Variants in GPD1 observed in about 807,000 individuals in gnomAD.
GPD1 encodes the protein glycerol-3-phosphate dehydrogenase 1.
A neutral mutation model predicts 34.4 loss-of-function variants in GPD1; 19 were observed. That is an observed-to-expected ratio of 0.55 (90% CI 0.39 to 0.81). The LOEUF (loss-of-function observed/expected upper bound fraction) is 0.81. GPD1 is among the 30% of genes least tolerant of loss of function. GPD1 has a pLI of 0.00. For missense variants in GPD1, 429 were observed against 447.0 expected, an observed-to-expected ratio of 0.96 and a Z score of 0.36; for synonymous variants, 172 against 174.1, an observed-to-expected ratio of 0.99 and a Z score of 0.09.
chr12:50,105,412 C>A, intron 2 of GPD1, 136 bp from the exon 3 acceptor site: 2 of 788,110 alleles, frequency 2.5e-6, no homozygotes, highest in Non-Finnish European at 4.0e-6. Flanking sequence ...AAGTTCAGTC[C>A]TTCTAGATTC....
Position 50,108,129 on chromosome 12 carries a change from A to C in GPD1, c.952A>C (p.Lys318Gln). 6.4e-7 allele frequency: 1 copy of C among 1,567,954 alleles called. No individual in the cohort carries two copies. Among genetic ancestry groups the C allele is most frequent in the South Asian group, 1.1e-5 (1 of 89,368 alleles). ...SILQHKGLVD[K>Q]FPLFMAVYKV... The stretch of plus-strand genomic sequence containing the variant: ...CCTCCAGCACAAGGGCCTGGTAGAC[A>C]AGTAAGTATTGGCCACAGCCCCACT... Residue 318 changes from lysine (K) to glutamine (Q), a missense_variant and splice_region_variant, in exon 7 of 8, where the codon AAG becomes CAG. Transcript: ENST00000301149.
chr12:50,107,882 G>A (rs1056194979), intron 6 of GPD1, 82 bp downstream of exon 6: 17 of 1,122,254 alleles, frequency 1.5e-5, no homozygotes, highest in Non-Finnish European at 2.0e-5. Context: ...CATCTCTGGA[G>A]CACAAACATT....
At chr12:50,104,536 C>T (rs372693667) in intron 1 of GPD1, 38 bp from the exon 2 acceptor site, 1 of 1,553,502 alleles carries the variant, frequency 6.4e-7, no homozygotes, top group Non-Finnish European at 8.9e-7. Flanking sequence ...GCCACTGTTC[C>T]CTCCTCCTGT....
In GPD1 at chr12:50,106,441, G is replaced by A; in HGVS notation, c.499+15G>A. On this transcript the variant is annotated intron_variant, in intron 4 of 7. Transcript: ENST00000301149. ...GACAACCATTGGTGAGAGCCCCCTGGCACCTGCATACACAGTGCATCTAGT... is the reference window on the plus strand; with the variant it reads ...GACAACCATTGGTGAGAGCCCCCTGACACCTGCATACACAGTGCATCTAGT... The A allele has an allele frequency of 1.2e-6, 2 of 1,611,872 alleles. No individual in the cohort carries two copies. The highest frequency in any genetic ancestry group is 1.7e-6 in the Non-Finnish European group (2 of 1,178,250).
At chr12:50,106,545 C>G in intron 4 of GPD1, 119 bp downstream of exon 4, 1 of 1,029,434 alleles carries the variant, frequency 9.7e-7, no homozygotes, top group African/African-American at 1.6e-5. Context: ...ATACAAGCAT[C>G]AGAGGTGAAG....
intron 5 of GPD1, 141 bp from the exon 6 acceptor site, chr12:50,107,426 C>T (rs751308176): frequency 2.6e-5 from 20 of 776,970 alleles, no homozygotes; most frequent in South Asian, 9.6e-5. Flanking sequence ...AACCAAGAGG[C>T]GGAAGTAGGC....
At position 50,110,091 on chromosome 12, in the gene GPD1, C is replaced by G. The variant is rs536373587; in HGVS notation, c.*572C>G. The G allele has an allele frequency of 1.3e-5, 2 of 152,668 alleles. No homozygotes were observed. Among genetic ancestry groups the G allele is most frequent in the East Asian group, 1.9e-4 (1 of 5,198 alleles). 9.5% of individuals were successfully genotyped at this position (152,668 alleles called of 1,614,324 possible). A position where few individuals can be genotyped will look rare whatever the true frequency, so the allele number is the denominator to read the frequency against. ...CAAAATACAAAGATCTCAAACAAACCCCTTTTAGCTTCTCCTAGCAACATC... is the reference window on the plus strand; with the variant it reads ...CAAAATACAAAGATCTCAAACAAACGCCTTTTAGCTTCTCCTAGCAACATC... On this transcript the variant is annotated 3_prime_UTR_variant, in exon 8 of 8. Transcript: ENST00000301149.
chr12:50,104,407 A>ACTG, intron 1 of GPD1, 167 bp from the exon 2 acceptor site: 1 of 719,854 alleles, frequency 1.4e-6, no homozygotes, highest in Non-Finnish European at 2.6e-6. Context: ...TCTCCTTTCT[A>ACTG]CTGCCAGGTC....
At chr12:50,105,753 G>A (rs781731399) in intron 3 of GPD1, 65 bp downstream of exon 3, 10 of 1,525,380 alleles carry the variant, frequency 6.6e-6, no homozygotes, top group Non-Finnish European at 8.2e-6. Context: ...TTCAGGGTGG[G>A]TGAAGCAAGG....
chr12:50,105,637 C>T lies in GPD1; in HGVS notation c.309C>T (p.Asp103=), dbSNP rs1950972525. 6.2e-7 allele frequency: 1 copy of T among 1,613,984 alleles called. No homozygotes were observed. Residue 103 remains aspartate, a synonymous_variant, in exon 3 of 8, where the codon GAC becomes GAT. Coordinates refer to ENST00000301149, the MANE Select transcript of GPD1 (RefSeq NM_005276.4). ...VPHQFIGKIC[D]QLKGHLKANA... is the part of the protein sequence containing the mutation. ...ATCAGTTCATCGGCAAGATCTGTGACCAGCTCAAGGGCCATCTGAAGGCAA... is the reference window on the plus strand; with the variant it reads ...ATCAGTTCATCGGCAAGATCTGTGATCAGCTCAAGGGCCATCTGAAGGCAA...
intron 5 of GPD1, 190 bp from the exon 6 acceptor site, chr12:50,107,377 T>C (rs778623291): frequency 7.9e-4 from 557 of 704,024 alleles, no homozygotes; most frequent in Non-Finnish European, 1.1e-3. Flanking sequence ...GGAGGGAGTA[T>C]GGGGCAGGGC....
intron 7 of GPD1, among the ~76,000 whole-genome samples, chr12:50,109,113 C>A (rs910137630): frequency 7.8e-6 from 1 of 128,202 alleles, no homozygotes; most frequent in African/African-American, 3.0e-5. Context: ...CCAGCCTAGG[C>A]GACAGAGCGA....
At chr12:50,104,841 A>G in intron 2 of GPD1, 90 bp downstream of exon 2, 3 of 1,092,362 alleles carry the variant, frequency 2.7e-6, no homozygotes, top group Admixed American at 1.9e-5. Context: ...TCCTGCTGAG[A>G]GGGCCGCTTC....
At position 50,109,518 on chromosome 12, in the gene GPD1, G is replaced by A. The variant is rs764353486; in HGVS notation, c.1049G>A (p.Ter350=). 4.0e-6 allele frequency: 6 copies of A among 1,512,292 alleles called. No individual in the cohort carries two copies. Among genetic ancestry groups the A allele is most frequent in the African/African-American group, 2.7e-5 (2 of 73,196 alleles). The allele number at this position is 1,512,292 out of a possible 1,614,324, so 93.7% of individuals were successfully genotyped here. Residue 350 remains the stop codon, a stop_retained_variant, in exon 8 of 8, where the codon TGA becomes TAA. Coordinates refer to ENST00000301149, the MANE Select transcript of GPD1 (RefSeq NM_005276.4). ...HCLQNHPEHM[*] ...CTGCAGAATCATCCAGAACATATGT[G>A]AGTGGGGCCAGGGCCCAGGCCAGGC... is the stretch of plus-strand genomic sequence containing the variant.
intron 4 of GPD1, 106 bp downstream of exon 4, chr12:50,106,532 A>C: frequency 8.9e-7 from 1 of 1,120,428 alleles, no homozygotes; most frequent in South Asian, 1.3e-5. Context: ...CAGAGAAAGG[A>C]AAATACAAGC....
At position 50,107,764 on chromosome 12, in the gene GPD1, C is replaced by T; in HGVS notation, c.810C>T (p.Asn270=). Residue 270 remains asparagine (N), a synonymous_variant, in exon 6 of 8, where the codon AAC becomes AAT. Coordinates refer to ENST00000301149, the MANE Select transcript of GPD1 (RefSeq NM_005276.4). Reference sequence around the variant, plus strand: ...TCACTACCTGCTATGGAGGGCGGAACCGGAAAGTGGCTGAGGCCTTTGCGC... The same window carrying T: ...TCACTACCTGCTATGGAGGGCGGAATCGGAAAGTGGCTGAGGCCTTTGCGC... ...DLITTCYGGR[N]RKVAEAFART... 6.2e-7 allele frequency: 1 copy of T among 1,613,964 alleles called. No individual in the cohort carries two copies. The highest frequency in any genetic ancestry group is 8.5e-7 in the Non-Finnish European group (1 of 1,179,882).
At chr12:50,106,257 G>T in intron 3 of GPD1, 31 bp from the exon 4 acceptor site, 5 of 1,563,796 alleles carry the variant, frequency 3.2e-6, no homozygotes, top group Non-Finnish European at 4.3e-6. Flanking sequence ...GGCCCAAAGG[G>T]CACCTGGCCT....
Position 50,106,320 on chromosome 12 carries a change from C to T in GPD1, c.393C>T (p.Leu131=). 2 of 1,613,300 alleles carry T rather than the reference C, an allele frequency of 1.2e-6. No homozygotes were observed. The highest frequency in any genetic ancestry group is 1.1e-5 in the South Asian group (1 of 90,966). Residue 131 remains leucine, a synonymous_variant, in exon 4 of 8, where the codon CTC becomes CTT. Coordinates refer to ENST00000301149, the MANE Select transcript of GPD1 (RefSeq NM_005276.4). The part of the protein sequence containing the change: ...GVDEGPNGLK[L]ISEVIGERLG... ...ACGAGGGCCCCAATGGGCTGAAGCT[C>T]ATCTCGGAAGTGATTGGGGAGCGCC...
At chr12:50,104,130 C>T (rs751475313) in intron 1 of GPD1, 39 bp downstream of exon 1, 8 of 1,589,140 alleles carry the variant, frequency 5.0e-6, no homozygotes, top group Non-Finnish European at 6.9e-6. Context: ...GAAGGGTAGG[C>T]CCCCCAAGAC....
Sources: gnomAD v4.1 joint callset for allele counts (sites outside exome capture counted in the v4.1 genomes callset) on GRCh38, gnomAD v4.1.1 for gene constraint, MANE v1.5 for transcripts, NCBI Gene and HGNC (gene_info 2026-07-23, HGNC 2026-07-21) for gene names.